Variants in MVB12B observed in about 807,000 individuals in gnomAD.
MVB12B encodes the protein multivesicular body subunit 12B.
MVB12B carries 16 observed loss-of-function variants against 41.6 expected under a neutral mutation model. The ratio of observed to expected loss-of-function variants is 0.38; its 90% confidence interval spans 0.26 to 0.58. The LOEUF is 0.58. MVB12B is among the 20% of genes least tolerant of loss of function. The probability of loss-of-function intolerance (pLI) is 0.62; values close to 1 mark genes in which losing one functional copy is unlikely to be tolerated. For synonymous variants in MVB12B, 133 were observed against 139.7 expected (o/e 0.95, Z 0.34); for missense variants, 274 against 380.2 (o/e 0.72, Z 2.32).
chr9:126,493,426 T>C (rs1564351157), intron 9 of MVB12B, among the ~76,000 whole-genome samples: 1 of 152,212 alleles, frequency 6.6e-6, no homozygotes, highest in Non-Finnish European at 1.5e-5. Flanking sequence ...TACCACACTA[T>C]TCTGAATCTT....
chr9:126,498,248 A>C (rs1833878754), intron 9 of MVB12B, among the ~76,000 whole-genome samples: 1 of 151,962 alleles, frequency 6.6e-6, no homozygotes, highest in African/African-American at 2.4e-5. Flanking sequence ...ATGGAGGGGG[A>C]TGACTGGAGT....
At chr9:126,497,205 C>T (rs1833855833) in intron 9 of MVB12B, among the ~76,000 whole-genome samples, 1 of 152,090 alleles carries the variant, frequency 6.6e-6, no homozygotes. Context: ...GGCCCTAGAA[C>T]CACATGGAAC....
At position 126,503,272 on chromosome 9, in the gene MVB12B, C is replaced by A. The variant is rs758073480; in HGVS notation, c.*9C>A. On this transcript the variant is annotated 3_prime_UTR_variant, in exon 10 of 10. Coordinates refer to ENST00000361171, the MANE Select transcript of MVB12B (RefSeq NM_033446.3). ...AGATCCCGCAGTCCTGAGGAGCCAGCGGCCACCTGCGGGGAGACCACCGCC... is the reference window on the plus strand; with the variant it reads ...AGATCCCGCAGTCCTGAGGAGCCAGAGGCCACCTGCGGGGAGACCACCGCC... 6.5e-7 allele frequency: 1 copy of A among 1,548,860 alleles called. No individual in the cohort carries two copies. Among genetic ancestry groups the A allele is most frequent in the Admixed American group, 2.0e-5 (1 of 50,974 alleles).
chr9:126,335,208 C>T, intron 1 of MVB12B: 1 of 1,160,746 alleles, frequency 8.6e-7, no homozygotes, highest in Non-Finnish European at 1.1e-6. Flanking sequence ...TGTCCAGCAG[C>T]ATTTGTCAGA....
rs1269406248 is a variant in MVB12B at position 126,503,300 on chromosome 9, C to T, written c.*37C>T. 2.6e-5 allele frequency: 40 copies of T among 1,511,684 alleles called. No homozygotes were observed. Among genetic ancestry groups the T allele is most frequent in the Non-Finnish European group, 3.4e-5 (38 of 1,113,220 alleles). The allele number at this position is 1,511,684 out of a possible 1,614,324, so 93.6% of individuals were successfully genotyped here. On this transcript the variant is annotated 3_prime_UTR_variant, in exon 10 of 10. Transcript: ENST00000361171. ...CCACCTGCGGGGAGACCACCGCCGC[C>T]CAGACTACTGACGGCAGGGGCTGCT... is the stretch of plus-strand genomic sequence containing the variant.
intron 7 of MVB12B, among the ~76,000 whole-genome samples, chr9:126,471,429 A>G (rs992468985): frequency 1.3e-5 from 2 of 152,242 alleles, no homozygotes; most frequent in East Asian, 3.8e-4. Context: ...AGGCTCCGGC[A>G]GTGGCTGATA....
At chr9:126,355,682 T>G (rs1829862380) in intron 2 of MVB12B, among the ~76,000 whole-genome samples, 1 of 152,220 alleles carries the variant, frequency 6.6e-6, no homozygotes, top group Non-Finnish European at 1.5e-5. Flanking sequence ...CGCATTCTCT[T>G]TAATTAATCA....
chr9:126,463,874 G>T (rs1368765089), intron 7 of MVB12B, among the ~76,000 whole-genome samples: 1 of 152,096 alleles, frequency 6.6e-6, no homozygotes, highest in Non-Finnish European at 1.5e-5. Context: ...TTATAACAAG[G>T]TTATAGCTTT....
At chr9:126,471,078 T>C (rs1304376667) in intron 7 of MVB12B, among the ~76,000 whole-genome samples, 1 of 152,172 alleles carries the variant, frequency 6.6e-6, no homozygotes, top group Non-Finnish European at 1.5e-5. Flanking sequence ...AGAGATTAAA[T>C]ACTTGTCCCA....
At chr9:126,344,781 C>T (rs1829544718) in intron 2 of MVB12B, among the ~76,000 whole-genome samples, 1 of 152,232 alleles carries the variant, frequency 6.6e-6, no homozygotes, top group East Asian at 1.9e-4. Context: ...GGGCCTGCAT[C>T]TGGCAAGGGC....
chr9:126,424,001 C>T (rs371333109), intron 7 of MVB12B, among the ~76,000 whole-genome samples: 8 of 152,206 alleles, frequency 5.3e-5, no homozygotes, highest in African/African-American at 9.7e-5. Context: ...ATCATCAAAC[C>T]GTTCTGCCTC....
At chr9:126,334,793 T>C (rs1829230216) in intron 1 of MVB12B, among the ~76,000 whole-genome samples, 1 of 152,048 alleles carries the variant, frequency 6.6e-6, no homozygotes, top group Non-Finnish European at 1.5e-5. Flanking sequence ...TACCCTCGAG[T>C]AATGTTCCCT....
At chr9:126,396,586 C>G in intron 6 of MVB12B, 2 of 985,512 alleles carry the variant, frequency 2.0e-6, no homozygotes, top group Non-Finnish European at 1.2e-6. Flanking sequence ...CCCTCCGGGA[C>G]ATACCACCAG....
At chr9:126,354,706 A>G (rs1350238463) in intron 2 of MVB12B, among the ~76,000 whole-genome samples, 1 of 152,254 alleles carries the variant, frequency 6.6e-6, no homozygotes, top group African/African-American at 2.4e-5. Context: ...CAATGTATAC[A>G]TATATAAATA....
chr9:126,438,807 C>A (rs10283538), intron 7 of MVB12B, among the ~76,000 whole-genome samples: 32,306 of 152,094 alleles, frequency 0.21, 4,125 homozygotes, highest in South Asian at 0.29. Flanking sequence ...AAAAATATTT[C>A]TCTGTATATA....
chr9:126,488,684 T>G (rs1833672514), intron 9 of MVB12B, among the ~76,000 whole-genome samples: 1 of 152,138 alleles, frequency 6.6e-6, no homozygotes. Context: ...TACATGACCG[T>G]CTTCATCTAC....
intron 7 of MVB12B, among the ~76,000 whole-genome samples, chr9:126,435,149 A>G (rs752952484): frequency 5.3e-5 from 8 of 152,122 alleles, no homozygotes; most frequent in Non-Finnish European, 7.3e-5. Context: ...AATGTACATG[A>G]AATACCCAGT....
intron 6 of MVB12B, among the ~76,000 whole-genome samples, chr9:126,410,888 C>CTT (rs770993852): frequency 0.11 from 14,767 of 133,686 alleles, 1,222 homozygotes; most frequent in East Asian, 0.35. Context: ...TTGGTTATTT[C>CTT]TTTTTTTTTT....
intron 7 of MVB12B, among the ~76,000 whole-genome samples, chr9:126,426,045 T>C (rs1832167998): frequency 6.6e-6 from 1 of 152,274 alleles, no homozygotes; most frequent in African/African-American, 2.4e-5. Context: ...AAATCTTTAG[T>C]GTTTGTAAAT....
Sources: allele counts gnomAD v4.1 joint callset (sites outside exome capture counted in the v4.1 genomes callset), GRCh38; gene constraint gnomAD v4.1.1; transcripts MANE v1.5; gene names NCBI Gene and HGNC (gene_info 2026-07-23, HGNC 2026-07-21).